CASD1: variants seen among roughly 807,000 people sequenced by gnomAD.
CASD1 encodes the protein N-acetylneuraminate (7)9-O-acetyltransferase.
In CASD1, 41 loss-of-function variants were observed where a neutral mutation model predicts 100.0. The ratio of observed to expected loss-of-function variants is 0.41; its 90% CI spans 0.32 to 0.53. CASD1 has a LOEUF of 0.53. Ranked by LOEUF, CASD1 falls within the 20% of genes least tolerant of loss-of-function variation. The probability of loss-of-function intolerance (pLI) is 0.25; values close to 1 mark genes in which losing one functional copy is unlikely to be tolerated. For synonymous variants in CASD1, 321 were observed against 315.6 expected (o/e 1.02, Z -0.18); for missense variants, 774 against 948.7 (o/e 0.82, Z 2.42).
intron 10 of CASD1, among the ~76,000 whole-genome samples, chr7:94,542,921 C>T (rs1442261359): frequency 2.6e-5 from 4 of 152,048 alleles, no homozygotes; most frequent in African/African-American, 9.7e-5. Context: ...TGATGAAGGG[C>T]AATAAATAAA....
intron 16 of CASD1, 166 bp from the exon 17 acceptor site, chr7:94,554,317 T>A: frequency 1.9e-6 from 1 of 513,012 alleles, no homozygotes; most frequent in Non-Finnish European, 3.4e-6. Flanking sequence ...TGGGTAGACT[T>A]TAGAACAAAA....
the CASD1 span, among the ~76,000 whole-genome samples, chr7:94,602,824 T>C: frequency 2.2e-4 from 34 of 152,178 alleles, no homozygotes; most frequent in Non-Finnish European, 1.5e-5. Context: ...TCACTTGGAA[T>C]TGTCTCTTGT....
chr7:94,626,840 A>T, the CASD1 span: 4 of 152,004 alleles, frequency 2.6e-5, no homozygotes, highest in African/African-American at 9.7e-5. Flanking sequence ...AAAAACTGGC[A>T]AATTAAGGAA....
chr7:94,518,678 T>C (rs1049780320), intron 3 of CASD1, among the ~76,000 whole-genome samples: 1 of 152,096 alleles, frequency 6.6e-6, no homozygotes, highest in African/African-American at 2.4e-5. Context: ...CTCATCTCTT[T>C]TTTTAAAAAA....
the CASD1 span, among the ~76,000 whole-genome samples, chr7:94,569,113 C>T: frequency 1.3e-5 from 2 of 152,106 alleles, no homozygotes; most frequent in Non-Finnish European, 2.9e-5. Flanking sequence ...AGCACAGATG[C>T]ATTGCTGTGG....
At chr7:94,587,453 A>G in the CASD1 span, 9 of 1,210,120 alleles carry the variant, frequency 7.4e-6, no homozygotes, top group African/African-American at 1.6e-5. Context: ...GATGGAAGCT[A>G]CAAGGTTAAT....
At chr7:94,604,413 T>TAC in the CASD1 span, among the ~76,000 whole-genome samples, 842 of 148,546 alleles carry the variant, frequency 5.7e-3, 2 homozygotes, top group Admixed American at 0.011. Flanking sequence ...AGAATAGCCA[T>TAC]ACACACACAC....
the CASD1 span, among the ~76,000 whole-genome samples, chr7:94,576,533 A>T: frequency 2.0e-5 from 3 of 152,376 alleles, no homozygotes; most frequent in Non-Finnish European, 4.4e-5. Context: ...AAAGTGATTT[A>T]TGATGAATGC....
intron 1 of CASD1, among the ~76,000 whole-genome samples, chr7:94,511,659 A>G (rs1793712512): frequency 1.3e-5 from 2 of 152,242 alleles, no homozygotes; most frequent in South Asian, 2.1e-4. Flanking sequence ...CCAATTTGGT[A>G]TAAAAGAACA....
the CASD1 span, chr7:94,587,155 G>C: frequency 1.0e-6 from 1 of 984,178 alleles, no homozygotes; most frequent in Non-Finnish European, 1.2e-6. Flanking sequence ...AAACTCTTTG[G>C]CTCTTATATT....
At position 94,538,040 on chromosome 7, in the gene CASD1, T is replaced by A. The variant is rs371403969; in HGVS notation, c.1266+146T>A. ...AGGAAGATTGTAGTTACACTTCACT[T>A]AGTGGACTCTTAACTGTTCCTTTTT... On this transcript the variant is annotated intron_variant, in intron 9 of 17. Coordinates refer to ENST00000297273, the MANE Select transcript of CASD1 (RefSeq NM_022900.5). 5.3e-5 allele frequency: 31 copies of A among 586,652 alleles called. No individual in the cohort carries two copies. In the African/African-American group the frequency reaches 5.6e-4, roughly 11 times the overall value. The allele number at this position is 586,652 out of a possible 1,614,324, so 36.3% of individuals were successfully genotyped here.
In CASD1 at chr7:94,537,865, G is replaced by A. The variant is rs1480618501; in HGVS notation, c.1237G>A (p.Gly413Arg). The A allele has an allele frequency of 6.5e-7, 1 of 1,538,562 alleles. No homozygotes were observed. Residue 413 changes from glycine to arginine, a missense_variant, in exon 9 of 18, where the codon GGA (glycine) becomes AGA (arginine). Physicochemically the swap from Gly to Arg is moderately radical, Grantham distance 125 (BLOSUM62 -2). Coordinates refer to ENST00000297273, the MANE Select transcript of CASD1 (RefSeq NM_022900.5). ...TCCAATTATCTACATTTTGGTTTTGGGAGTATTTTATAATGAAAATACTAA... is the reference window on the plus strand; with the variant it reads ...TCCAATTATCTACATTTTGGTTTTGAGAGTATTTTATAATGAAAATACTAA... ...FIPIIYILVL[G>R]VFYNENTKET...
intron 14 of CASD1, among the ~76,000 whole-genome samples, chr7:94,550,038 G>C (rs145458264): frequency 5.9e-5 from 9 of 152,204 alleles, no homozygotes; most frequent in African/African-American, 2.2e-4. Context: ...GAAGCTTTCA[G>C]AGTCTAGTTT....
the CASD1 span, chr7:94,623,990 A>G: frequency 1.0e-5 from 4 of 388,308 alleles, no homozygotes; most frequent in South Asian, 5.8e-4. Context: ...TCATACGGGC[A>G]AATATTAGTA....
At chr7:94,515,334 C>T (rs144848957) in intron 1 of CASD1, among the ~76,000 whole-genome samples, 4 of 151,880 alleles carry the variant, frequency 2.6e-5, no homozygotes, top group African/African-American at 9.7e-5. Context: ...GAATTTCTTC[C>T]ATGGAAAGCT....
the CASD1 span, among the ~76,000 whole-genome samples, chr7:94,607,106 T>C: frequency 6.6e-6 from 1 of 150,650 alleles, no homozygotes; most frequent in Non-Finnish European, 1.5e-5. Flanking sequence ...AAAAAAAAAA[T>C]CAGATAATCT....
At chr7:94,567,868 T>C in the CASD1 span, among the ~76,000 whole-genome samples, 18 of 152,340 alleles carry the variant, frequency 1.2e-4, 1 homozygote, top group South Asian at 6.2e-4. Flanking sequence ...CCAGTCTTAC[T>C]AGCTTTTTAT....
chr7:94,557,345 C>A (rs1400335060), downstream of CASD1, among the ~76,000 whole-genome samples: 1 of 151,960 alleles, frequency 6.6e-6, no homozygotes, highest in African/African-American at 2.4e-5. Context: ...TTCTTTTGCC[C>A]TTACTTAATC....
chr7:94,602,179 C>T, the CASD1 span, among the ~76,000 whole-genome samples: 1 of 152,064 alleles, frequency 6.6e-6, no homozygotes, highest in East Asian at 1.9e-4. Context: ...GTTATGGTTG[C>T]AGCTGCTCAG....
Sources: allele counts gnomAD v4.1 joint callset (sites outside exome capture counted in the v4.1 genomes callset), GRCh38; gene constraint gnomAD v4.1.1; transcripts MANE v1.5; gene names NCBI Gene and HGNC (gene_info 2026-07-23, HGNC 2026-07-21).